Variants in CNTN2 observed in about 807,000 individuals in gnomAD.
The protein encoded by CNTN2 is contactin 2, also known as contactin-2.
Under a neutral mutation model 117.5 loss-of-function variants are expected in CNTN2, and 53 were observed. The ratio of observed to expected loss-of-function variants is 0.45; its 90% CI spans 0.36 to 0.57. The LOEUF (loss-of-function observed/expected upper bound fraction) is 0.57, where lower values mean the gene tolerates loss of function less well. CNTN2 is among the 20% of genes least tolerant of loss of function. The pLI is 0.00. For missense variants in CNTN2, 1,106 were observed against 1,404.3 expected (o/e 0.79, Z 3.39); for synonymous variants, 530 against 561.7 (o/e 0.94, Z 0.80).
rs1486667853 is a variant in CNTN2, at chr1:205,057,934, C to T, written c.84C>T (p.Ala28=). The change falls in exon 3 of 23, where the codon GCC becomes GCT. Residue 28 remains alanine, a synonymous_variant. Transcript: ENST00000331830. ...ALVSSSAWSS[A]LGSQTTFGPV... ...CATCACCTGCAGCTTGGAGTTCAGC[C>T]CTGGGATCCCAAACCACCTTCGGGC... is the stretch of plus-strand genomic sequence containing the variant. 6.2e-7 allele frequency: 1 copy of T among 1,613,916 alleles called. No individual in the cohort carries two copies. The highest frequency in any genetic ancestry group is 2.2e-5 in the East Asian group (1 of 44,874).
rs1654467180 is a variant in CNTN2, at chr1:205,069,462, C to A, written c.2126-29C>A. 7 of 1,610,640 alleles carry A rather than the reference C, an allele frequency of 4.3e-6. No individual in the cohort carries two copies. The South Asian group carries it at 7.7e-5, about 18-fold the overall frequency. Reference sequence around the variant, plus strand: ...CATTTTTTCCTTGCTCATTAACAAGCCATATCGGTGTCCCTTGGCCCTTGA... The same window carrying A: ...CATTTTTTCCTTGCTCATTAACAAGACATATCGGTGTCCCTTGGCCCTTGA... On this transcript the variant is annotated intron_variant, in intron 16 of 22. Coordinates refer to ENST00000331830, the MANE Select transcript of CNTN2 (RefSeq NM_005076.5).
chr1:205,073,414 C>T lies in CNTN2; in HGVS notation c.3013+178C>T, dbSNP rs1654697954. 1 of 838,610 alleles carries T rather than the reference C, an allele frequency of 1.2e-6. No homozygotes were observed. Among genetic ancestry groups the T allele is most frequent in the Non-Finnish European group, 1.8e-6 (1 of 549,950 alleles). 51.9% of individuals were successfully genotyped at this position (838,610 alleles called of 1,614,324 possible). On this transcript the variant is annotated intron_variant, in intron 22 of 22. Coordinates refer to ENST00000331830, the MANE Select transcript of CNTN2 (RefSeq NM_005076.5). The surrounding 1 kb of genome is among the most constrained non-coding windows in gnomAD (Gnocchi z 6.3). Reference sequence around the variant, plus strand: ...GCCTCGCCGCCACCTTTCTACCCAGCCCCCAGAACATCCCCGAGGGCCAGG... The same window carrying T: ...GCCTCGCCGCCACCTTTCTACCCAGTCCCCAGAACATCCCCGAGGGCCAGG...
chr1:205,053,290 G>A, intron 2 of CNTN2, 35 bp downstream of exon 2: 2 of 1,572,528 alleles, frequency 1.3e-6, no homozygotes, highest in Non-Finnish European at 1.7e-6. Flanking sequence ...AAGCCTAGCA[G>A]GCATGATTAT....
chr1:205,065,997 T>G lies in CNTN2; in HGVS notation c.1816+88T>G. The G allele has an allele frequency of 6.8e-7, 1 of 1,470,686 alleles. No homozygotes were observed. Among genetic ancestry groups the G allele is most frequent in the Non-Finnish European group, 9.1e-7 (1 of 1,096,626 alleles). 91.1% of individuals were successfully genotyped at this position (1,470,686 alleles called of 1,614,324 possible). On this transcript the variant is annotated intron_variant, in intron 14 of 22. Transcript: ENST00000331830. This position sits in a 1 kb window ranked among gnomAD's most constrained non-coding sequence, Gnocchi z 4.1. ...ACCTGCTCGCCTCATCTCCCCTCCC[T>G]TCCCTCAAAGCTGCGGGGAAGGGCT... is the stretch of plus-strand genomic sequence containing the variant.
intron 2 of CNTN2, among the ~76,000 whole-genome samples, chr1:205,054,453 G>C (rs1463778270): frequency 3.9e-5 from 6 of 152,224 alleles, no homozygotes; most frequent in Non-Finnish European, 7.3e-5. Flanking sequence ...ACCAGACTGG[G>C]AAGAGCTACA....
chr1:205,070,633 G>A lies in CNTN2; in HGVS notation c.2544+95G>A, dbSNP rs78594587. The A allele has an allele frequency of 1.4e-3, 1,175 of 852,726 alleles. 6 individuals are homozygous for A. In the African/African-American group the frequency reaches 0.018, roughly 13 times the overall value. The allele number at this position is 852,726 out of a possible 1,614,324, so 52.8% of individuals were successfully genotyped here. A position where few individuals can be genotyped will look rare whatever the true frequency, so the allele number is the denominator to read the frequency against. On this transcript the variant is annotated intron_variant, in intron 19 of 22. Coordinates refer to ENST00000331830, the MANE Select transcript of CNTN2 (RefSeq NM_005076.5). ...CAGACCACTAATCATTCCTCCTGGC[G>A]TCCCTGGTTCGCTGACATGGCAAAC...
Position 205,065,976 on chromosome 1 carries a change from G to T in CNTN2, c.1816+67G>T. On this transcript the variant is annotated intron_variant, in intron 14 of 22. Transcript: ENST00000331830. The surrounding 1 kb of genome is among the most constrained non-coding windows in gnomAD (Gnocchi z 4.1). ...AAACCCAGCTGGGCTGTTCTGACCT[G>T]CTCGCCTCATCTCCCCTCCCTTCCC... The T allele has an allele frequency of 6.6e-7, 1 of 1,521,070 alleles. No individual in the cohort carries two copies. Among genetic ancestry groups the T allele is most frequent in the East Asian group, 2.3e-5 (1 of 43,588 alleles). 94.2% of individuals were successfully genotyped at this position (1,521,070 alleles called of 1,614,324 possible).
intron 1 of CNTN2, among the ~76,000 whole-genome samples, 177 bp downstream of exon 1, chr1:205,043,571 T>G (rs975791641): frequency 4.0e-5 from 6 of 151,768 alleles, no homozygotes; most frequent in Non-Finnish European, 8.8e-5. Context: ...CCAGGGTGGG[T>G]GCTGGGGCTC....
At chr1:205,043,925 A>G (rs1319965373) in intron 1 of CNTN2, among the ~76,000 whole-genome samples, 1 of 151,910 alleles carries the variant, frequency 6.6e-6, no homozygotes, top group Non-Finnish European at 1.5e-5. Flanking sequence ...TGGAAGAGAG[A>G]GGGGAGAGTG....
At chr1:205,064,842 G>A in intron 12 of CNTN2, 92 bp downstream of exon 12, 2 of 1,548,768 alleles carry the variant, frequency 1.3e-6, no homozygotes, top group Non-Finnish European at 1.7e-6. Context: ...ATTGCTCCTA[G>A]TTTGGTGTCA....
At position 205,073,394 on chromosome 1, in the gene CNTN2, GC is replaced by G. The variant is rs1654696457; in HGVS notation, c.3013+160del. 2 of 919,698 alleles carry G rather than the reference GC, an allele frequency of 2.2e-6. No homozygotes were observed. Among genetic ancestry groups the G allele is most frequent in the Admixed American group, 5.3e-5 (2 of 37,570 alleles). The allele number at this position is 919,698 out of a possible 1,614,324, so 57.0% of individuals were successfully genotyped here. A position where few individuals can be genotyped will look rare whatever the true frequency, so the allele number is the denominator to read the frequency against. ...TGCAAAGTAGTCTTAGAACTGCCTC[GC>G]CGCCACCTTTCTACCCAGCCCCCAG... On this transcript the variant is annotated intron_variant, in intron 22 of 22. Transcript: ENST00000331830. The surrounding 1 kb of genome is among the most constrained non-coding windows in gnomAD (Gnocchi z 6.3).
intron 14 of CNTN2, 30 bp from the exon 15 acceptor site, chr1:205,066,411 G>T: frequency 6.2e-7 from 1 of 1,607,784 alleles, no homozygotes; most frequent in South Asian, 1.1e-5. Flanking sequence ...GCCCAATTCT[G>T]ACCCACTGTG....
At chr1:205,053,067 GCT>G in intron 1 of CNTN2, 31 bp from the exon 2 acceptor site, 1 of 688,114 alleles carries the variant, frequency 1.5e-6, no homozygotes, top group Non-Finnish European at 2.4e-6. Flanking sequence ...GCGCTCCTCG[GCT>G]CAGAGCCCTC....
In CNTN2 at chr1:205,057,907, G is replaced by A. The variant is rs1574640648; in HGVS notation, c.71-14G>A. 1.2e-6 allele frequency: 2 copies of A among 1,611,720 alleles called. No individual in the cohort carries two copies. Among genetic ancestry groups the A allele is most frequent in the Non-Finnish European group, 1.7e-6 (2 of 1,178,252 alleles). ...CCAAGGCTCTGAGGCATCTGGTGGTGTCATCACCTGCAGCTTGGAGTTCAG... is the reference window on the plus strand; with the variant it reads ...CCAAGGCTCTGAGGCATCTGGTGGTATCATCACCTGCAGCTTGGAGTTCAG... On this transcript the variant is annotated splice_polypyrimidine_tract_variant and intron_variant, in intron 2 of 22. Coordinates refer to ENST00000331830, the MANE Select transcript of CNTN2 (RefSeq NM_005076.5).
intron 19 of CNTN2, among the ~76,000 whole-genome samples, chr1:205,071,232 C>G (rs1654580994): frequency 6.6e-6 from 1 of 152,164 alleles, no homozygotes; most frequent in African/African-American, 2.4e-5. Flanking sequence ...ATCATCCTGT[C>G]CCGGGGGAAT....
At chr1:205,066,141 A>G in intron 14 of CNTN2, 1 of 626,626 alleles carries the variant, frequency 1.6e-6, no homozygotes, top group Non-Finnish European at 2.7e-6. Context: ...ACATCCCAAG[A>G]CAGGAGTGCT....
At chr1:205,046,024 G>A (rs944806379) in intron 1 of CNTN2, among the ~76,000 whole-genome samples, 4 of 152,166 alleles carry the variant, frequency 2.6e-5, no homozygotes, top group Middle Eastern at 3.4e-3. Context: ...ATGCATGCTG[G>A]CCACCCCCTC....
chr1:205,056,418 G>A (rs1241142563), intron 2 of CNTN2, among the ~76,000 whole-genome samples: 4 of 152,194 alleles, frequency 2.6e-5, no homozygotes, highest in African/African-American at 4.8e-5. Context: ...GGCCTGGGGC[G>A]GCAGTGAGGG....
chr1:205,064,770 T>A lies in CNTN2; in HGVS notation c.1519+20T>A. The A allele has an allele frequency of 6.2e-7, 1 of 1,613,166 alleles. No homozygotes were observed. Among genetic ancestry groups the A allele is most frequent in the Non-Finnish European group, 8.5e-7 (1 of 1,179,554 alleles). On this transcript the variant is annotated intron_variant, in intron 12 of 22. Transcript: ENST00000331830. ...TGCGAGGTGAGGGCTGCCATGTGGG[T>A]AGGCCGGGGGCTCAGCCTCCTCAGG...
Sources: gnomAD v4.1 joint callset for allele counts (sites outside exome capture counted in the v4.1 genomes callset) on GRCh38, gnomAD v4.1.1 for gene constraint, Gnocchi (gnomAD v3.1) non-coding constraint, MANE v1.5 for transcripts, NCBI Gene and HGNC (gene_info 2026-07-23, HGNC 2026-07-21) for gene names.